Variants in DGKB observed in about 807,000 individuals in gnomAD.
DGKB encodes diacylglycerol kinase beta, also known as 90 kDa diacylglycerol kinase.
In DGKB, 67 loss-of-function variants were observed where a neutral mutation model predicts 114.3. The ratio of observed to expected loss-of-function variants is 0.59; its 90% CI spans 0.48 to 0.72. The LOEUF is 0.72. DGKB is among the 30% of genes least tolerant of loss of function. The probability of loss-of-function intolerance (pLI) is 0.00; values close to 1 mark genes in which losing one functional copy is unlikely to be tolerated. For missense variants in DGKB, 907 were observed against 975.2 expected (o/e 0.93, Z 0.93); for synonymous variants, 398 against 323.1 (o/e 1.23, Z -2.49).
At chr7:14,610,815 C>T (rs2128790468) in intron 16 of DGKB, among the ~76,000 whole-genome samples, 2 of 152,204 alleles carry the variant, frequency 1.3e-5, no homozygotes, top group South Asian at 4.1e-4. Context: ...TATTCTATCC[C>T]ACTGCCTTAC....
intron 23 of DGKB, among the ~76,000 whole-genome samples, chr7:14,203,318 CA>C (rs1232573478): frequency 6.6e-6 from 1 of 151,760 alleles, no homozygotes; most frequent in Non-Finnish European, 1.5e-5. Flanking sequence ...GGTTGAGGAA[CA>C]AACAATAAAC....
At chr7:14,259,379 T>TTCTCTC (rs752185464) in intron 23 of DGKB, among the ~76,000 whole-genome samples, 16 of 142,376 alleles carry the variant, frequency 1.1e-4, no homozygotes, top group South Asian at 6.9e-4. Flanking sequence ...CTAGTAAAGT[T>TTCTCTC]TCTCTCTCTC....
chr7:14,458,555 G>A (rs976900382), intron 21 of DGKB, among the ~76,000 whole-genome samples: 6 of 152,092 alleles, frequency 3.9e-5, no homozygotes, highest in African/African-American at 1.4e-4. Flanking sequence ...AGGGTGAGCC[G>A]AAGCAGGGTA....
chr7:14,182,058 T>C (rs1455815444), intron 23 of DGKB, among the ~76,000 whole-genome samples: 1 of 152,184 alleles, frequency 6.6e-6, no homozygotes, highest in Admixed American at 6.5e-5. Context: ...AGCATTTCTT[T>C]CAAATATAAA....
intron 1 of DGKB, among the ~76,000 whole-genome samples, chr7:14,858,575 A>G (rs1850513287): frequency 6.6e-6 from 1 of 152,162 alleles, no homozygotes; most frequent in African/African-American, 2.4e-5. Flanking sequence ...GCAGCTTCAA[A>G]GGGTTATGCA....
At chr7:14,731,228 C>G (rs1321708427) in intron 5 of DGKB, among the ~76,000 whole-genome samples, 1 of 152,144 alleles carries the variant, frequency 6.6e-6, no homozygotes, top group Non-Finnish European at 1.5e-5. Flanking sequence ...AATTAATGAA[C>G]TTTCAAACAC....
At chr7:14,869,027 T>G (rs2128192697) in intron 1 of DGKB, among the ~76,000 whole-genome samples, 1 of 152,328 alleles carries the variant, frequency 6.6e-6, no homozygotes, top group African/African-American at 2.4e-5. Context: ...TTTCAAATTC[T>G]AAGGACAGTC....
upstream of DGKB, among the ~76,000 whole-genome samples, chr7:14,906,924 A>G (rs755770656): frequency 3.3e-5 from 5 of 152,250 alleles, no homozygotes; most frequent in Non-Finnish European, 7.3e-5. Flanking sequence ...ATACAATCCC[A>G]TAAATAAAGG....
intron 6 of DGKB, 99 bp from the exon 7 acceptor site, chr7:14,701,829 T>C (rs190764377): frequency 1.4e-5 from 11 of 786,498 alleles, no homozygotes; most frequent in South Asian, 1.1e-4. Context: ...TGAAAACAAA[T>C]ACTAAATTCC....
chr7:14,901,020 C>T (rs1296694578), intron 1 of DGKB, among the ~76,000 whole-genome samples: 1 of 152,102 alleles, frequency 6.6e-6, no homozygotes, highest in Non-Finnish European at 1.5e-5. Context: ...CATGTATGCA[C>T]TATTGTAGCA....
chr7:14,653,026 G>A (rs1387803584), intron 13 of DGKB, among the ~76,000 whole-genome samples: 2 of 151,426 alleles, frequency 1.3e-5, no homozygotes, highest in Non-Finnish European at 2.9e-5. Context: ...AGTGGATGTG[G>A]AGAAATAGGA....
intron 20 of DGKB, among the ~76,000 whole-genome samples, chr7:14,527,148 T>C (rs977694389): frequency 6.6e-6 from 1 of 152,118 alleles, no homozygotes; most frequent in Non-Finnish European, 1.5e-5. Flanking sequence ...CACCAGGTCT[T>C]GCCTACTATT....
At chr7:14,211,360 TA>T (rs35349267) in intron 23 of DGKB, among the ~76,000 whole-genome samples, 1,132 of 85,784 alleles carry the variant, frequency 0.013, 17 homozygotes, top group South Asian at 0.018. Context: ...TGTTTTGTGA[TA>T]TTTACTCTCG....
chr7:14,168,505 C>T (rs1242664714), intron 25 of DGKB, among the ~76,000 whole-genome samples: 1 of 152,132 alleles, frequency 6.6e-6, no homozygotes, highest in African/African-American at 2.4e-5. Context: ...CATGCCCAGA[C>T]TCATCAAAGT....
intron 16 of DGKB, among the ~76,000 whole-genome samples, 166 bp downstream of exon 16, chr7:14,613,174 C>T (rs964482705): frequency 6.6e-6 from 1 of 152,076 alleles, no homozygotes; most frequent in Non-Finnish European, 1.5e-5. Flanking sequence ...ATTAAAATTT[C>T]AATCCTAAAA....
At chr7:14,473,731 T>G (rs1243936655) in intron 21 of DGKB, among the ~76,000 whole-genome samples, 1 of 152,212 alleles carries the variant, frequency 6.6e-6, no homozygotes, top group Non-Finnish European at 1.5e-5. Context: ...AGCCTACTTC[T>G]TGCATCAGCT....
chr7:14,235,066 T>C (rs1432315272), intron 23 of DGKB, among the ~76,000 whole-genome samples: 2 of 152,148 alleles, frequency 1.3e-5, no homozygotes, highest in East Asian at 3.9e-4. Flanking sequence ...CAGACTGACT[T>C]CTCTTCTTTC....
intron 25 of DGKB, among the ~76,000 whole-genome samples, chr7:14,152,108 CT>C (rs542569699): frequency 6.6e-6 from 1 of 151,854 alleles, no homozygotes; most frequent in African/African-American, 2.4e-5. Flanking sequence ...AACATTCTTG[CT>C]TTTTTTATTA....
intron 23 of DGKB, among the ~76,000 whole-genome samples, chr7:14,189,669 T>G (rs1232194795): frequency 6.6e-6 from 1 of 151,962 alleles, no homozygotes; most frequent in Non-Finnish European, 1.5e-5. Flanking sequence ...TAAAAAAGAT[T>G]CACCTCAAAA....
Sources: allele counts gnomAD v4.1 joint callset (sites outside exome capture counted in the v4.1 genomes callset), GRCh38; gene constraint gnomAD v4.1.1; transcripts MANE v1.5; gene names NCBI Gene and HGNC (gene_info 2026-07-23, HGNC 2026-07-21).